PACSIN1: variants seen among roughly 807,000 people sequenced by gnomAD.
PACSIN1 encodes the protein protein kinase C and casein kinase substrate in neurons 1, also known as protein kinase C and casein kinase substrate in neurons protein 1.
PACSIN1 carries 15 observed loss-of-function variants against 59.5 expected under a neutral mutation model. The ratio of observed to expected loss-of-function variants is 0.25; its 90% confidence interval spans 0.17 to 0.39. The LOEUF (loss-of-function observed/expected upper bound fraction) is 0.39, where lower values mean the gene tolerates loss of function less well. Ranked by LOEUF, PACSIN1 falls within the 10% of genes least tolerant of loss-of-function variation. The probability of loss-of-function intolerance (pLI) is 1.00; values close to 1 mark genes in which losing one functional copy is unlikely to be tolerated. For missense variants in PACSIN1, 420 were observed against 580.2 expected, an observed-to-expected ratio of 0.72 and a Z score of 2.84; for synonymous variants, 210 against 220.6, an observed-to-expected ratio of 0.95 and a Z score of 0.42.
intron 1 of PACSIN1, among the ~76,000 whole-genome samples, chr6:34,506,769 G>T (rs1248528748): frequency 1.3e-5 from 2 of 152,170 alleles, no homozygotes; most frequent in African/African-American, 4.8e-5. Context: ...AGGGTGCCTT[G>T]TTACTGCTCC....
chr6:34,517,837 C>A (rs1432513291), intron 1 of PACSIN1, among the ~76,000 whole-genome samples: 1 of 152,216 alleles, frequency 6.6e-6, no homozygotes, highest in Non-Finnish European at 1.5e-5. Flanking sequence ...CCTGCTCAGC[C>A]TCTCTAGAAT....
At chr6:34,524,494 C>A (rs1767450855) in intron 1 of PACSIN1, among the ~76,000 whole-genome samples, 1 of 152,194 alleles carries the variant, frequency 6.6e-6, no homozygotes, top group Admixed American at 6.5e-5. Flanking sequence ...CAAAACACTC[C>A]CTACTTATGT....
At chr6:34,481,199 C>T (rs996483483) in intron 1 of PACSIN1, among the ~76,000 whole-genome samples, 9 of 151,982 alleles carry the variant, frequency 5.9e-5, no homozygotes, top group African/African-American at 2.2e-4. Context: ...GCATGCATCA[C>T]CATGCCTGGC....
In PACSIN1 at chr6:34,532,169, G is replaced by A. The variant is rs977528380; in HGVS notation, c.1226-252G>A. On this transcript the variant is annotated intron_variant, in intron 9 of 9. Transcript: ENST00000244458. The surrounding 1 kb of genome is among the most constrained non-coding windows in gnomAD (Gnocchi z 5.2). ...GTCAGAACCTGAGAATAGTGTGGATGCGAGGTCTGGTTTTGGGGACGGACC... is the reference window on the plus strand; with the variant it reads ...GTCAGAACCTGAGAATAGTGTGGATACGAGGTCTGGTTTTGGGGACGGACC... 6.6e-6 allele frequency among the ~76,000 whole-genome samples: 1 copy of A among 152,022 alleles called. No homozygotes were observed. Among genetic ancestry groups the A allele is most frequent in the African/African-American group, 2.4e-5 (1 of 41,358 alleles).
At chr6:34,471,087 A>G (rs1440722284) in intron 1 of PACSIN1, among the ~76,000 whole-genome samples, 5 of 152,176 alleles carry the variant, frequency 3.3e-5, no homozygotes, top group Admixed American at 6.5e-5. Flanking sequence ...CTGAGATTAC[A>G]GGTGCCGGCC....
In PACSIN1 at chr6:34,488,662, C is replaced by T. The variant is rs912015469; in HGVS notation, c.-64+22392C>T. On this transcript the variant is annotated intron_variant, in intron 1 of 9. Coordinates refer to ENST00000244458, the MANE Select transcript of PACSIN1 (RefSeq NM_020804.5). This position sits in a 1 kb window ranked among gnomAD's most constrained non-coding sequence, Gnocchi z 4.7. ...CATACAGTAGTCATTAGAGTGTGTG[C>T]CATGTTCCAGAAGACAGCTCACCAT... 6.6e-6 allele frequency among the ~76,000 whole-genome samples: 1 copy of T among 152,100 alleles called. No homozygotes were observed. The highest frequency in any genetic ancestry group is 6.6e-5 in the Admixed American group (1 of 15,254).
chr6:34,527,416 G>A lies in PACSIN1; in HGVS notation c.148G>A (p.Ala50Thr). 1 of 1,598,994 alleles carries A rather than the reference G, an allele frequency of 6.3e-7. No homozygotes were observed. Among genetic ancestry groups the A allele is most frequent in the South Asian group, 1.1e-5 (1 of 88,204 alleles). The change falls in exon 3 of 10, where the codon GCC becomes ACC. Residue 50 changes from alanine to threonine, a missense_variant. Ala to Thr is a moderately conservative substitution (Grantham distance 58). Coordinates refer to ENST00000244458, the MANE Select transcript of PACSIN1 (RefSeq NM_020804.5). ...NDLMNCVQERAKIEKAYGQQL... is the reference protein window; with the variant it reads ...NDLMNCVQERTKIEKAYGQQL... ...CCTGATGAACTGCGTGCAGGAGCGC[G>A]CCAAGATCGAGAAGGCGTACGGGCA...
chr6:34,493,336 T>G (rs1766904095), intron 1 of PACSIN1, among the ~76,000 whole-genome samples: 1 of 152,202 alleles, frequency 6.6e-6, no homozygotes, highest in African/African-American at 2.4e-5. Context: ...ACACGTAGGT[T>G]GTTTGGGGGC....
chr6:34,527,209 G>A (rs1165193355), intron 2 of PACSIN1, 123 bp from the exon 3 acceptor site: 1 of 981,650 alleles, frequency 1.0e-6, no homozygotes. Flanking sequence ...CGGGGGCGGG[G>A]ACGGCGAGGC....
chr6:34,485,954 A>G (rs554210779), intron 1 of PACSIN1, among the ~76,000 whole-genome samples: 4 of 152,268 alleles, frequency 2.6e-5, no homozygotes, highest in East Asian at 3.9e-4. Context: ...GTCCTCTGCC[A>G]CCAGAGGGAG....
Position 34,499,275 on chromosome 6 carries a change from G to A in PACSIN1, c.-63-26968G>A, listed in dbSNP as rs970058275. Among the ~76,000 whole-genome samples the A allele has an allele frequency of 9.9e-5, 15 of 151,686 alleles. No individual in the cohort carries two copies. In the South Asian group the frequency reaches 1.5e-3, roughly 15 times the overall value. ...CAGAATCTAATGTTGCCAGACAGGA[G>A]GCAGAGCTTAGGCGGTAATGTGAGT... On this transcript the variant is annotated intron_variant, in intron 1 of 9. Coordinates refer to ENST00000244458, the MANE Select transcript of PACSIN1 (RefSeq NM_020804.5).
chr6:34,519,413 G>A (rs1767349533), intron 1 of PACSIN1, among the ~76,000 whole-genome samples: 1 of 152,170 alleles, frequency 6.6e-6, no homozygotes, highest in Non-Finnish European at 1.5e-5. Flanking sequence ...AGGGGATGGA[G>A]GTCCAGGGGA....
In PACSIN1 at chr6:34,475,385, T is replaced by G. The variant is rs184758240; in HGVS notation, c.-64+9115T>G. Among the ~76,000 whole-genome samples the G allele has an allele frequency of 3.9e-3, 590 of 152,362 alleles. 4 individuals are homozygous for G. Among genetic ancestry groups the G allele is most frequent in the Middle Eastern group, 0.024 (7 of 294 alleles). On this transcript the variant is annotated intron_variant, in intron 1 of 9. Coordinates refer to ENST00000244458, the MANE Select transcript of PACSIN1 (RefSeq NM_020804.5). ...AATACTTCCTGTCTCAAGTCTGGTC[T>G]TCTAGAAGCAGAGCTGAGACAAGGA...
intron 1 of PACSIN1, among the ~76,000 whole-genome samples, chr6:34,470,678 T>C (rs971303455): frequency 5.3e-5 from 8 of 151,974 alleles, no homozygotes; most frequent in Non-Finnish European, 1.0e-4. Flanking sequence ...ATTTTTCAAT[T>C]TTATTGTAGA....
intron 1 of PACSIN1, among the ~76,000 whole-genome samples, chr6:34,498,209 G>A (rs913424725): frequency 4.6e-5 from 7 of 152,116 alleles, no homozygotes; most frequent in Admixed American, 2.0e-4. Context: ...CTACAGGTGC[G>A]CGCCGCCACG....
chr6:34,530,718 G>A lies in PACSIN1; in HGVS notation c.1037+131G>A, dbSNP rs545193590. On this transcript the variant is annotated intron_variant, in intron 8 of 9. Transcript: ENST00000244458. The surrounding 1 kb of genome is among the most constrained non-coding windows in gnomAD (Gnocchi z 4.4). ...GTCTCCTCTCTAAAAGATAGTGGTA[G>A]TTCATCACTCTAAAGCAGCCGTCCC... 213 of 1,013,760 alleles carry A rather than the reference G, an allele frequency of 2.1e-4. No individual in the cohort carries two copies. In the Middle Eastern group the frequency reaches 3.1e-3, roughly 15 times the overall value. The allele number at this position is 1,013,760 out of a possible 1,614,324, so 62.8% of individuals were successfully genotyped here. A position where few individuals can be genotyped will look rare whatever the true frequency, so the allele number is the denominator to read the frequency against.
At position 34,486,812 on chromosome 6, in the gene PACSIN1, G is replaced by A. The variant is rs925272319; in HGVS notation, c.-64+20542G>A. On this transcript the variant is annotated intron_variant, in intron 1 of 9. Coordinates refer to ENST00000244458, the MANE Select transcript of PACSIN1 (RefSeq NM_020804.5). ...CCACTTCAGTAGACCCCAGCCTAGGGTCTTCTGGACCCTGGCTGCACATTA... is the reference window on the plus strand; with the variant it reads ...CCACTTCAGTAGACCCCAGCCTAGGATCTTCTGGACCCTGGCTGCACATTA... Among the ~76,000 whole-genome samples the A allele has an allele frequency of 7.2e-5, 11 of 152,050 alleles. No individual in the cohort carries two copies. In the East Asian group the frequency reaches 2.1e-3, roughly 30 times the overall value.
In PACSIN1 at chr6:34,527,502, C is replaced by G. The variant is rs766163531; in HGVS notation, c.220+14C>G. On this transcript the variant is annotated intron_variant, in intron 3 of 9. Coordinates refer to ENST00000244458, the MANE Select transcript of PACSIN1 (RefSeq NM_020804.5). ...TCATCGAGAAAGGTGCTCCCCCAGG[C>G]TCACATCGTGCGCGCCCCCAGGCCG... 6.3e-7 allele frequency: 1 copy of G among 1,577,740 alleles called. No individual in the cohort carries two copies. The highest frequency in any genetic ancestry group is 2.3e-5 in the East Asian group (1 of 43,018).
At chr6:34,496,548 A>G (rs1766950011) in intron 1 of PACSIN1, among the ~76,000 whole-genome samples, 1 of 152,262 alleles carries the variant, frequency 6.6e-6, no homozygotes, top group South Asian at 2.1e-4. Flanking sequence ...CGGGAGAGGC[A>G]GAGCTTGCTG....
Sources: allele counts gnomAD v4.1 joint callset (sites outside exome capture counted in the v4.1 genomes callset), GRCh38; gene constraint gnomAD v4.1.1; non-coding constraint Gnocchi (gnomAD v3.1); transcripts MANE v1.5; gene names NCBI Gene and HGNC (gene_info 2026-07-23, HGNC 2026-07-21).